TPO: variants seen among roughly 807,000 people sequenced by gnomAD.
The protein encoded by TPO is thyroid microsomal antigen.
Under a neutral mutation model 96.9 loss-of-function variants are expected in TPO, and 78 were observed. That is an observed-to-expected ratio of 0.81 (90% CI 0.67 to 0.97). The LOEUF is 0.97. TPO is among the 50% of genes least tolerant of loss of function. The pLI is 0.00. For missense variants in TPO, 1,252 were observed against 1,274.8 expected (o/e 0.98, Z 0.27); for synonymous variants, 547 against 538.0 (o/e 1.02, Z -0.23).
At chr2:1,467,430 G>A (rs1669005549) in intron 7 of TPO, among the ~76,000 whole-genome samples, 1 of 152,080 alleles carries the variant, frequency 6.6e-6, no homozygotes, top group South Asian at 2.1e-4. Flanking sequence ...TTTCCATCTT[G>A]ATTTCATTTT....
intron 14 of TPO, among the ~76,000 whole-genome samples, chr2:1,504,973 G>A (rs894120664): frequency 1.3e-5 from 2 of 152,160 alleles, no homozygotes; most frequent in East Asian, 1.9e-4. Context: ...CAGCCAGGGC[G>A]GAGAGGGGTC....
chr2:1,500,611 G>T (rs776674563), intron 13 of TPO, among the ~76,000 whole-genome samples: 1 of 152,214 alleles, frequency 6.6e-6, no homozygotes, highest in African/African-American at 2.4e-5. Flanking sequence ...AAAACAAATA[G>T]TATTCGCTGC....
intron 13 of TPO, among the ~76,000 whole-genome samples, chr2:1,499,654 C>T (rs1232077147): frequency 1.3e-5 from 2 of 151,572 alleles, no homozygotes; most frequent in Non-Finnish European, 2.9e-5. Flanking sequence ...GTGTCTGGGG[C>T]ACCACAATCC....
intron 11 of TPO, among the ~76,000 whole-genome samples, chr2:1,494,916 A>G (rs537106072): frequency 2.0e-5 from 3 of 152,260 alleles, no homozygotes; most frequent in African/African-American, 7.2e-5. Context: ...AGCCTTTCAA[A>G]GAGCTACGAA....
At chr2:1,523,522 C>G (rs1356708031) in intron 15 of TPO, among the ~76,000 whole-genome samples, 7 of 126,942 alleles carry the variant, frequency 5.5e-5, no homozygotes, top group African/African-American at 2.1e-4. Flanking sequence ...GCAACCTCCC[C>G]AAATCCCCCC....
intron 3 of TPO, among the ~76,000 whole-genome samples, chr2:1,427,571 G>C (rs576293001): frequency 6.6e-6 from 1 of 152,332 alleles, no homozygotes; most frequent in South Asian, 2.1e-4. Flanking sequence ...GGGCACTGCA[G>C]ATCTGCTCCC....
At chr2:1,462,341 A>G (rs1019742526) in intron 7 of TPO, among the ~76,000 whole-genome samples, 4 of 152,322 alleles carry the variant, frequency 2.6e-5, no homozygotes, top group South Asian at 2.1e-4. Flanking sequence ...CTCAGGGCAC[A>G]GACAAGAGGC....
chr2:1,540,725 T>G lies in TPO; in HGVS notation c.2748+2T>G. ...GCCGCAGCTCAGGACTCGGAGCAGG[T>G]GGGCCACACCATGCCGCATGTTTCC... On this transcript the variant is annotated splice_donor_variant, in intron 16 of 16. Transcript: ENST00000329066. LOFTEE classifies it high-confidence loss of function. The G allele has an allele frequency of 6.2e-7, 1 of 1,613,310 alleles. No individual in the cohort carries two copies. Among genetic ancestry groups the G allele is most frequent in the East Asian group, 2.2e-5 (1 of 44,874 alleles).
intron 1 of TPO, among the ~76,000 whole-genome samples, chr2:1,392,970 T>A (rs1348604748): frequency 6.6e-6 from 1 of 152,240 alleles, no homozygotes; most frequent in African/African-American, 2.4e-5. Context: ...AAGAGTCATA[T>A]AGACTCTTTG....
At position 1,374,888 on chromosome 2, in the gene TPO, A is replaced by G. The variant is rs1192840231; in HGVS notation, n.180+486A>G. On this transcript the variant is annotated intron_variant and non_coding_transcript_variant, in intron 1 of 5. Transcript: ENST00000497517. ...ACTACAGGCACCCGCCACCACGCCCAGCTAAATTTTTTTTGTATTTTTAGT... is the reference window on the plus strand; with the variant it reads ...ACTACAGGCACCCGCCACCACGCCCGGCTAAATTTTTTTTGTATTTTTAGT... Among the ~76,000 whole-genome samples the G allele has an allele frequency of 6.0e-5, 9 of 151,170 alleles. No individual in the cohort carries two copies. In the South Asian group the frequency reaches 1.7e-3, roughly 28 times the overall value.
chr2:1,508,624 G>T (rs1178965878), intron 14 of TPO, among the ~76,000 whole-genome samples: 7 of 152,228 alleles, frequency 4.6e-5, no homozygotes, highest in African/African-American at 7.2e-5. Flanking sequence ...GAAGAAGTAT[G>T]TGTCGAGGAA....
intron 1 of TPO, among the ~76,000 whole-genome samples, chr2:1,405,046 TCCCACCCA>T (rs1662228509): frequency 7.6e-6 from 1 of 131,392 alleles, no homozygotes; most frequent in Non-Finnish European, 1.6e-5. Flanking sequence ...CATCCATGCA[TCCCACCCA>T]CCCACCCGCA....
chr2:1,477,159 C>T lies in TPO; in HGVS notation c.893C>T (p.Thr298Ile). 1.2e-6 allele frequency: 2 copies of T among 1,610,202 alleles called. No individual in the cohort carries two copies. Among genetic ancestry groups the T allele is most frequent in the Non-Finnish European group, 1.7e-6 (2 of 1,179,116 alleles). The change falls in exon 8 of 17, where the codon ACC becomes ATC. Residue 298 changes from threonine to isoleucine, a missense_variant. Coordinates refer to ENST00000329066, the MANE Select transcript of TPO (RefSeq NM_001206744.2). ...TACCGCTCTTCGGCCGCCTGCGGCA[C>T]CGGGGACCAAGGCGCGCTCTTTGGG... ...PFYRSSAACGTGDQGALFGNL... is the reference protein window; with the variant it reads ...PFYRSSAACGIGDQGALFGNL...
rs1056169105 is a variant in TPO, at chr2:1,390,696, T to C, written n.180+16294T>C. Among the ~76,000 whole-genome samples the C allele has an allele frequency of 3.3e-5, 5 of 152,198 alleles. No individual in the cohort carries two copies. In the East Asian group the frequency reaches 9.6e-4, roughly 29 times the overall value. ...CCACATCCTCTCCAGCATCTGTTGTTTCCTAACTTTTTAATGATTGCCATT... is the reference window on the plus strand; with the variant it reads ...CCACATCCTCTCCAGCATCTGTTGTCTCCTAACTTTTTAATGATTGCCATT... On this transcript the variant is annotated intron_variant and non_coding_transcript_variant, in intron 1 of 5. Transcript: ENST00000497517.
At chr2:1,463,074 A>G (rs1203559974) in intron 7 of TPO, among the ~76,000 whole-genome samples, 1 of 152,246 alleles carries the variant, frequency 6.6e-6, no homozygotes, top group Non-Finnish European at 1.5e-5. Flanking sequence ...CAATTTTAAA[A>G]ATAAAAGGCA....
intron 8 of TPO, among the ~76,000 whole-genome samples, chr2:1,480,810 C>CCACACCACGTCCCTGCTGCTGCGTCT (rs1670540145): frequency 8.3e-6 from 1 of 120,402 alleles, no homozygotes; most frequent in Non-Finnish European, 1.9e-5. Context: ...CTGCTGCATC[C>CCACACCACGTCCCTGCTGCTGCGTCT]GTCCACACCA....
intron 9 of TPO, 21 bp downstream of exon 9, chr2:1,484,875 C>A: frequency 1.2e-6 from 2 of 1,613,230 alleles, no homozygotes; most frequent in South Asian, 2.2e-5. Flanking sequence ...GCGGTCCCTG[C>A]AGCTGGTCCC....
At chr2:1,526,304 C>T (rs1173522532) in intron 15 of TPO, among the ~76,000 whole-genome samples, 1 of 124,980 alleles carries the variant, frequency 8.0e-6, no homozygotes, top group Non-Finnish European at 1.7e-5. Flanking sequence ...CCCCACATCT[C>T]CCCCACTGTG....
intron 1 of TPO, among the ~76,000 whole-genome samples, chr2:1,408,378 C>T (rs554760419): frequency 7.4e-4 from 113 of 152,310 alleles, no homozygotes; most frequent in African/African-American, 2.5e-3. Context: ...CAGTTAATTG[C>T]ACCTGCTTCC....
Sources: allele counts gnomAD v4.1 joint callset (sites outside exome capture counted in the v4.1 genomes callset), GRCh38; gene constraint gnomAD v4.1.1; transcripts MANE v1.5; gene names NCBI Gene and HGNC (gene_info 2026-07-23, HGNC 2026-07-21).